Variants in MDGA2 observed in about 807,000 individuals in gnomAD.
The protein encoded by MDGA2 is MAM domain-containing glycosylphosphatidylinositol anchor protein 2.
A neutral mutation model predicts 117.8 loss-of-function variants in MDGA2; 40 were observed. The observed-to-expected ratio is 0.34, with a 90% confidence interval of 0.26 to 0.44. The LOEUF (loss-of-function observed/expected upper bound fraction) is 0.44. MDGA2 is among the 20% of genes least tolerant of loss of function. The probability of loss-of-function intolerance (pLI) is 1.00; values close to 1 mark genes in which losing one functional copy is unlikely to be tolerated. For missense variants in MDGA2, 1,123 were observed against 1,250.6 expected, an observed-to-expected ratio of 0.90 and a Z score of 1.54; for synonymous variants, 452 against 439.0, an observed-to-expected ratio of 1.03 and a Z score of -0.37.
intron 2 of MDGA2, among the ~76,000 whole-genome samples, chr14:47,268,709 G>A (rs1049794442): frequency 6.6e-6 from 1 of 152,106 alleles, no homozygotes; most frequent in Non-Finnish European, 1.5e-5. Context: ...GATGCAGTTT[G>A]GGTTGCACAG....
chr14:47,545,335 C>G (rs1341800012), intron 1 of MDGA2, among the ~76,000 whole-genome samples: 1 of 152,164 alleles, frequency 6.6e-6, no homozygotes, highest in Non-Finnish European at 1.5e-5. Context: ...CACACACTTT[C>G]ACTAAAGAGG....
At chr14:47,080,759 C>T (rs1342156940) in intron 6 of MDGA2, among the ~76,000 whole-genome samples, 1 of 152,126 alleles carries the variant, frequency 6.6e-6, no homozygotes, top group Non-Finnish European at 1.5e-5. Flanking sequence ...ATTCTTTGTC[C>T]CATTGCTATT....
intron 11 of MDGA2, among the ~76,000 whole-genome samples, chr14:46,881,011 CA>C (rs1882435023): frequency 5.8e-5 from 2 of 34,760 alleles, no homozygotes; most frequent in African/African-American, 3.4e-4. Flanking sequence ...CTATCACTAA[CA>C]CACACACACA....
intron 1 of MDGA2, among the ~76,000 whole-genome samples, chr14:47,504,422 T>C (rs1894467639): frequency 6.6e-6 from 1 of 152,180 alleles, no homozygotes; most frequent in Admixed American, 6.5e-5. Context: ...AATGCTCTTC[T>C]TCTCCATCAC....
chr14:47,655,886 A>C (rs1464044713), intron 1 of MDGA2, among the ~76,000 whole-genome samples: 2 of 152,134 alleles, frequency 1.3e-5, no homozygotes, highest in Admixed American at 1.3e-4. Context: ...AGCTTAGACC[A>C]TATAATCCCA....
intron 9 of MDGA2, among the ~76,000 whole-genome samples, chr14:46,956,041 G>A (rs1278713991): frequency 6.6e-6 from 1 of 152,072 alleles, no homozygotes; most frequent in Non-Finnish European, 1.5e-5. Flanking sequence ...CATCTGATAT[G>A]CTTTCCTAGA....
intron 1 of MDGA2, among the ~76,000 whole-genome samples, chr14:47,331,811 T>G (rs1890300718): frequency 6.6e-6 from 1 of 151,980 alleles, no homozygotes; most frequent in Non-Finnish European, 1.5e-5. Flanking sequence ...GTAATTAAAT[T>G]TATGTATTAG....
intron 2 of MDGA2, among the ~76,000 whole-genome samples, chr14:47,257,101 T>C (rs1300732327): frequency 2.6e-5 from 4 of 152,174 alleles, no homozygotes; most frequent in African/African-American, 4.8e-5. Context: ...CACTACTTTG[T>C]TGTGGCTTGC....
chr14:47,573,967 G>A (rs1194749078), intron 1 of MDGA2, among the ~76,000 whole-genome samples: 1 of 152,026 alleles, frequency 6.6e-6, no homozygotes, highest in African/African-American at 2.4e-5. Flanking sequence ...AAAGTGCTTT[G>A]AATCAAAATG....
chr14:47,583,048 T>A (rs1010141239), intron 1 of MDGA2, among the ~76,000 whole-genome samples: 1 of 152,022 alleles, frequency 6.6e-6, no homozygotes, highest in East Asian at 1.9e-4. Flanking sequence ...ATGATTTTGA[T>A]TCATAACTCA....
At chr14:47,248,978 C>CTCTT (rs768636432) in intron 2 of MDGA2, among the ~76,000 whole-genome samples, 17 of 134,792 alleles carry the variant, frequency 1.3e-4, no homozygotes, top group African/African-American at 4.0e-4. Context: ...TTCCTTCTCT[C>CTCTT]TCTTTCTTTC....
intron 6 of MDGA2, among the ~76,000 whole-genome samples, chr14:47,065,311 C>T (rs1890041646): frequency 6.6e-6 from 1 of 152,116 alleles, no homozygotes; most frequent in African/African-American, 2.4e-5. Context: ...CTTCTTCAGG[C>T]TACACAGATG....
chr14:47,444,139 T>C (rs533410234), intron 1 of MDGA2: 5 of 215,260 alleles, frequency 2.3e-5, no homozygotes, highest in African/African-American at 7.0e-5. Flanking sequence ...TTCCCTACTG[T>C]GCACTTTCAT....
intron 1 of MDGA2, among the ~76,000 whole-genome samples, chr14:47,660,900 A>C (rs1306055224): frequency 2.0e-5 from 3 of 152,210 alleles, no homozygotes; most frequent in Non-Finnish European, 4.4e-5. Flanking sequence ...AAATTATATG[A>C]GAGAGAGTCC....
intron 5 of MDGA2, among the ~76,000 whole-genome samples, chr14:47,123,755 T>C (rs535063270): frequency 6.6e-6 from 1 of 152,086 alleles, no homozygotes; most frequent in Non-Finnish European, 1.5e-5. Context: ...GATCATGAAC[T>C]TATTTCAAGA....
chr14:47,422,940 T>C (rs1566448916), intron 1 of MDGA2, among the ~76,000 whole-genome samples: 2 of 152,202 alleles, frequency 1.3e-5, no homozygotes, highest in Non-Finnish European at 2.9e-5. Context: ...GATAGGTAGA[T>C]AGATATTCAG....
intron 1 of MDGA2, among the ~76,000 whole-genome samples, chr14:47,361,205 C>CTA (rs1244944759): frequency 3.3e-4 from 41 of 124,708 alleles, no homozygotes; most frequent in East Asian, 2.0e-3. Flanking sequence ...CTCTCTCTCT[C>CTA]TCTATATATA....
At chr14:47,325,427 T>G (rs565181622) in intron 1 of MDGA2, among the ~76,000 whole-genome samples, 1 of 152,316 alleles carries the variant, frequency 6.6e-6, no homozygotes, top group African/African-American at 2.4e-5. Context: ...CATTAAAACC[T>G]GAAGACCTAA....
chr14:47,288,559 C>T (rs1481565109), intron 2 of MDGA2, among the ~76,000 whole-genome samples: 1 of 151,966 alleles, frequency 6.6e-6, no homozygotes, highest in Non-Finnish European at 1.5e-5. Context: ...TGATTTCTGC[C>T]AAAGGCGAGT....
Sources: gnomAD v4.1 joint callset for allele counts (sites outside exome capture counted in the v4.1 genomes callset) on GRCh38, gnomAD v4.1.1 for gene constraint, MANE v1.5 for transcripts, NCBI Gene and HGNC (gene_info 2026-07-23, HGNC 2026-07-21) for gene names.